The following JAKMIP2 variants were observed in gnomAD, a reference collection of about 807,000 sequenced individuals.
JAKMIP2 encodes the protein janus kinase and microtubule-interacting protein 2.
Under a neutral mutation model 115.0 loss-of-function variants are expected in JAKMIP2, and 25 were observed. The observed-to-expected ratio is 0.22, with a 90% CI of 0.16 to 0.30. JAKMIP2 has a LOEUF of 0.30. JAKMIP2 is among the 10% of genes least tolerant of loss of function. The probability of loss-of-function intolerance (pLI) is 1.00; values close to 1 mark genes in which losing one functional copy is unlikely to be tolerated. For missense variants in JAKMIP2, 642 were observed against 957.6 expected (o/e 0.67, Z 4.35); for synonymous variants, 334 against 343.6 (o/e 0.97, Z 0.31).
intron 1 of JAKMIP2, among the ~76,000 whole-genome samples, chr5:147,755,674 C>T (rs1380866921): frequency 1.3e-5 from 2 of 152,036 alleles, no homozygotes; most frequent in South Asian, 2.1e-4. Context: ...GATAGGATCT[C>T]GTTATGTTGC....
intron 1 of JAKMIP2, among the ~76,000 whole-genome samples, chr5:147,742,119 C>T (rs1400919710): frequency 3.9e-5 from 5 of 126,994 alleles, no homozygotes; most frequent in African/African-American, 1.6e-4. Context: ...TTCTTTGTTC[C>T]GCATTAGCCC....
chr5:147,611,600 G>A (rs1756327690), intron 20 of JAKMIP2, among the ~76,000 whole-genome samples: 1 of 152,180 alleles, frequency 6.6e-6, no homozygotes, highest in African/African-American at 2.4e-5. Flanking sequence ...TGGTCTGGCT[G>A]GGAGCTGCAG....
intron 1 of JAKMIP2, among the ~76,000 whole-genome samples, chr5:147,729,386 G>A (rs76160068): frequency 0.11 from 16,844 of 152,172 alleles, 1,151 homozygotes; most frequent in Middle Eastern, 0.19. Context: ...CCCTGGGTGT[G>A]GGGCAGGGGA....
chr5:147,748,252 T>A (rs955704894), intron 1 of JAKMIP2, among the ~76,000 whole-genome samples: 1 of 152,154 alleles, frequency 6.6e-6, no homozygotes, highest in Admixed American at 6.6e-5. Flanking sequence ...CAAATAGAGT[T>A]ACTATGAGGA....
At chr5:147,594,386 G>C in intron 21 of JAKMIP2, 1 of 453,182 alleles carries the variant, frequency 2.2e-6, no homozygotes, top group Non-Finnish European at 4.5e-6. Context: ...TCAGGATGGA[G>C]TACAGTGGTG....
chr5:147,773,786 T>G (rs1449710264), intron 1 of JAKMIP2, among the ~76,000 whole-genome samples: 1 of 152,088 alleles, frequency 6.6e-6, no homozygotes, highest in Non-Finnish European at 1.5e-5. Flanking sequence ...CGATTTCCCT[T>G]GTCGTAGGCT....
chr5:147,695,950 T>C lies in JAKMIP2; in HGVS notation c.-148-23996A>G, dbSNP rs189954849. Among the ~76,000 whole-genome samples the C allele has an allele frequency of 3.9e-5, 6 of 152,282 alleles. No homozygotes were observed. In the East Asian group the frequency reaches 1.2e-3, roughly 29 times the overall value. On this transcript the variant is annotated intron_variant, in intron 1 of 21. Transcript: ENST00000616793. ...TGAAGTGTTTAAAGTCTGAACATAATATTCTAATATTTGCTTTCACTTTAA... is the reference window on the plus strand; with the variant it reads ...TGAAGTGTTTAAAGTCTGAACATAACATTCTAATATTTGCTTTCACTTTAA...
intron 1 of JAKMIP2, among the ~76,000 whole-genome samples, chr5:147,694,027 CA>C (rs1751989604): frequency 6.6e-6 from 1 of 152,172 alleles, no homozygotes; most frequent in Admixed American, 6.5e-5. Flanking sequence ...TCTTAGTCTG[CA>C]GCTGGGCTAC....
intron 1 of JAKMIP2, among the ~76,000 whole-genome samples, chr5:147,765,770 T>C (rs1755133182): frequency 6.6e-6 from 1 of 152,114 alleles, no homozygotes; most frequent in Admixed American, 6.5e-5. Flanking sequence ...ACCTGAACAC[T>C]TTTTATATTT....
At chr5:147,697,328 GA>G (rs1752145528) in intron 1 of JAKMIP2, among the ~76,000 whole-genome samples, 1 of 152,094 alleles carries the variant, frequency 6.6e-6, no homozygotes, top group East Asian at 1.9e-4. Context: ...AACAGCACAG[GA>G]AAGACCAGCC....
intron 1 of JAKMIP2, among the ~76,000 whole-genome samples, chr5:147,695,645 A>T (rs1213142069): frequency 7.3e-6 from 1 of 136,778 alleles, no homozygotes; most frequent in Non-Finnish European, 1.6e-5. Context: ...ACGGAAGTGA[A>T]AGGTCTGTGT....
intron 2 of JAKMIP2, among the ~76,000 whole-genome samples, chr5:147,663,860 G>A (rs1300488690): frequency 6.6e-6 from 1 of 152,022 alleles, no homozygotes; most frequent in Non-Finnish European, 1.5e-5. Context: ...TCCCTTCCTG[G>A]AGGCCTCTTC....
chr5:147,669,192 G>T (rs1759456078), intron 2 of JAKMIP2, among the ~76,000 whole-genome samples: 1 of 152,132 alleles, frequency 6.6e-6, no homozygotes, highest in Non-Finnish European at 1.5e-5. Flanking sequence ...TATAATAAAA[G>T]TGCTTTATGA....
chr5:147,764,947 G>GAAAGAAA (rs1561582569), intron 1 of JAKMIP2, among the ~76,000 whole-genome samples: 2 of 36,592 alleles, frequency 5.5e-5, no homozygotes, highest in African/African-American at 1.4e-4. Flanking sequence ...AGAGAGAGAG[G>GAAAGAAA]GAGAGAGAGA....
At chr5:147,611,691 G>A (rs774176842) in intron 20 of JAKMIP2, among the ~76,000 whole-genome samples, 26 of 151,906 alleles carry the variant, frequency 1.7e-4, no homozygotes, top group Middle Eastern at 3.4e-3. Flanking sequence ...TGTGTAGCTC[G>A]CTGCTGCTTG....
chr5:147,618,905 T>C (rs770381097), intron 18 of JAKMIP2, among the ~76,000 whole-genome samples: 19 of 152,196 alleles, frequency 1.2e-4, no homozygotes, highest in Non-Finnish European at 1.6e-4. Context: ...TACTTGAAGA[T>C]GGCTTTATGG....
intron 1 of JAKMIP2, among the ~76,000 whole-genome samples, chr5:147,732,043 C>T (rs1014401096): frequency 3.3e-5 from 5 of 152,174 alleles, no homozygotes; most frequent in African/African-American, 1.2e-4. Context: ...TGTATTATTA[C>T]GTGGGTTTTT....
At chr5:147,670,331 G>T (rs1759515440) in intron 2 of JAKMIP2, among the ~76,000 whole-genome samples, 2 of 152,176 alleles carry the variant, frequency 1.3e-5, no homozygotes, top group South Asian at 4.1e-4. Flanking sequence ...AAATATATTT[G>T]TTGGCTTGTG....
chr5:147,742,867 TA>T (rs3214609), intron 1 of JAKMIP2, among the ~76,000 whole-genome samples: 2 of 151,310 alleles, frequency 1.3e-5, no homozygotes, highest in African/African-American at 2.4e-5. Context: ...ACTAATGACT[TA>T]AAAAAAAAGT....
Sources: allele counts gnomAD v4.1 joint callset (sites outside exome capture counted in the v4.1 genomes callset), GRCh38; gene constraint gnomAD v4.1.1; transcripts MANE v1.5; gene names NCBI Gene and HGNC (gene_info 2026-07-23, HGNC 2026-07-21).